Variants in CCDC62 observed in about 807,000 individuals in gnomAD.
CCDC62 encodes the protein coiled-coil domain containing 62.
In CCDC62, 72 loss-of-function variants were observed where a neutral mutation model predicts 80.8. The observed-to-expected ratio is 0.89, with a 90% CI of 0.74 to 1.08. The LOEUF (loss-of-function observed/expected upper bound fraction) is 1.08, where lower values mean the gene tolerates loss of function less well. CCDC62 is among the 50% of genes least tolerant of loss of function. The probability of loss-of-function intolerance (pLI) is 0.00; values close to 1 mark genes in which losing one functional copy is unlikely to be tolerated. For synonymous variants in CCDC62, 286 were observed against 296.5 expected, an observed-to-expected ratio of 0.96 and a Z score of 0.36; for missense variants, 704 against 809.4, an observed-to-expected ratio of 0.87 and a Z score of 1.58.
chr12:122,803,943 C>T (rs928935432), intron 9 of CCDC62, among the ~76,000 whole-genome samples: 14 of 152,118 alleles, frequency 9.2e-5, no homozygotes, highest in East Asian at 3.8e-4. Context: ...TTGACCTCAC[C>T]GACTTAAAAT....
intron 11 of CCDC62, among the ~76,000 whole-genome samples, chr12:122,815,021 C>T (rs934331774): frequency 5.4e-5 from 8 of 148,362 alleles, no homozygotes; most frequent in Admixed American, 3.4e-4. Context: ...CTTGAACTCC[C>T]GGCCTCAAGT....
At chr12:122,783,517 C>T (rs890021901) in intron 3 of CCDC62, among the ~76,000 whole-genome samples, 12 of 152,020 alleles carry the variant, frequency 7.9e-5, no homozygotes, top group South Asian at 2.1e-4. Context: ...TGAGCCACCG[C>T]GCCTGGCCCC....
At chr12:122,794,942 A>G (rs1213284415) in intron 6 of CCDC62, among the ~76,000 whole-genome samples, 1 of 152,182 alleles carries the variant, frequency 6.6e-6, no homozygotes, top group East Asian at 1.9e-4. Context: ...AAGTACTAAG[A>G]TTATAGGCAT....
chr12:122,813,146 G>A, intron 10 of CCDC62, 124 bp from the exon 11 acceptor site: 7 of 956,524 alleles, frequency 7.3e-6, no homozygotes, highest in Non-Finnish European at 1.1e-5. Flanking sequence ...AGCTGTGATT[G>A]TGCCACTGCA....
intron 10 of CCDC62, among the ~76,000 whole-genome samples, chr12:122,812,756 GGAGAGAGAGAGAGA>G (rs551370561): frequency 1.1e-5 from 1 of 88,792 alleles, no homozygotes; most frequent in African/African-American, 4.6e-5. Flanking sequence ...AGAGAGGGAG[GGAGAGAGAGAGAGA>G]GAGAGAGAGA....
At chr12:122,796,636 T>C (rs984673848) in intron 6 of CCDC62, among the ~76,000 whole-genome samples, 19 of 151,956 alleles carry the variant, frequency 1.3e-4, no homozygotes, top group African/African-American at 4.4e-4. Flanking sequence ...GGCGGGTAGA[T>C]CACATGAGGC....
intron 6 of CCDC62, among the ~76,000 whole-genome samples, chr12:122,795,939 C>T (rs903567125): frequency 3.3e-5 from 5 of 152,120 alleles, no homozygotes; most frequent in African/African-American, 1.2e-4. Flanking sequence ...TTAGCTTAGG[C>T]TGCTTGTTCA....
intron 12 of CCDC62, 82 bp downstream of exon 12, chr12:122,823,541 A>G: frequency 1.4e-6 from 1 of 724,080 alleles, no homozygotes; most frequent in Non-Finnish European, 2.4e-6. Flanking sequence ...CGTTGAGTCA[A>G]GGCCATGCAT....
At position 122,792,126 on chromosome 12, in the gene CCDC62, A is replaced by G; in HGVS notation, c.772+5A>G. 6.4e-7 allele frequency: 1 copy of G among 1,555,542 alleles called. No homozygotes were observed. The highest frequency in any genetic ancestry group is 8.9e-7 in the Non-Finnish European group (1 of 1,126,688). ...ACGATGAATTGCTTTTTACTGGTAA[A>G]ACAGATGATCGAATGTATTTGTAAC... On this transcript the variant is annotated splice_donor_5th_base_variant and intron_variant, in intron 6 of 12. Transcript: ENST00000253079.
chr12:122,811,617 C>T (rs112288169), intron 10 of CCDC62, among the ~76,000 whole-genome samples: 3,458 of 150,268 alleles, frequency 0.023, 126 homozygotes, highest in African/African-American at 0.078. Flanking sequence ...GTCAGGAGAT[C>T]GAGACCATCC....
At chr12:122,826,358 G>T in intron 12 of CCDC62, 64 bp from the exon 13 acceptor site, 2 of 761,594 alleles carry the variant, frequency 2.6e-6, no homozygotes, top group Non-Finnish European at 2.4e-6. Flanking sequence ...GGAGCTTATA[G>T]CATGCTCTCC....
chr12:122,804,379 C>T (rs538238412), intron 9 of CCDC62, among the ~76,000 whole-genome samples: 5 of 152,216 alleles, frequency 3.3e-5, no homozygotes, highest in South Asian at 2.1e-4. Flanking sequence ...CCCAGCTACT[C>T]GGGAGGCTGA....
At chr12:122,776,553 C>T (rs536589912) in intron 1 of CCDC62, 7 of 152,206 alleles carry the variant, frequency 4.6e-5, no homozygotes, top group African/African-American at 1.4e-4. Flanking sequence ...GGGAGTTTAT[C>T]GTACTATTGT....
intron 11 of CCDC62, among the ~76,000 whole-genome samples, chr12:122,820,812 G>T (rs547455618): frequency 6.9e-6 from 1 of 145,600 alleles, no homozygotes; most frequent in South Asian, 2.2e-4. Context: ...CTGCACTCCA[G>T]CCTGGGCAAC....
intron 11 of CCDC62, among the ~76,000 whole-genome samples, chr12:122,821,937 C>T (rs1353776635): frequency 1.3e-5 from 2 of 151,460 alleles, no homozygotes; most frequent in East Asian, 3.9e-4. Flanking sequence ...ATATATCATA[C>T]ATTATTATTG....
In CCDC62 at chr12:122,798,195, C is replaced by T. The variant is rs761668837; in HGVS notation, c.972C>T (p.Asp324=). 11 of 1,449,052 alleles carry T rather than the reference C, an allele frequency of 7.6e-6. No individual in the cohort carries two copies. Among genetic ancestry groups the T allele is most frequent in the East Asian group, 2.3e-5 (1 of 44,066 alleles). The allele number at this position is 1,449,052 out of a possible 1,614,324, so 89.8% of individuals were successfully genotyped here. The change falls in exon 8 of 13, where the codon GAC becomes GAT. Residue 324 remains aspartate, a synonymous_variant. Transcript: ENST00000253079. ...DSKMEESKAL[D]SSRDMCLSDL... is the part of the protein sequence containing the mutation. The stretch of plus-strand genomic sequence containing the variant: ...AGATGGAGGAATCAAAGGCTCTGGA[C>T]TCCAGGTAATCTTAGCAAGATGCAA...
At chr12:122,786,952 C>T (rs941032483) in intron 4 of CCDC62, among the ~76,000 whole-genome samples, 8 of 151,520 alleles carry the variant, frequency 5.3e-5, no homozygotes, top group Non-Finnish European at 1.0e-4. Context: ...AGCGAGACTC[C>T]GTCTCAAAAA....
At chr12:122,818,268 C>T (rs1310174944) in intron 11 of CCDC62, among the ~76,000 whole-genome samples, 11 of 151,846 alleles carry the variant, frequency 7.2e-5, no homozygotes, top group African/African-American at 2.7e-4. Context: ...CTGTCTAACA[C>T]GGTGAAACCC....
chr12:122,798,400 C>T (rs574435187), intron 8 of CCDC62, among the ~76,000 whole-genome samples, 200 bp downstream of exon 8: 140 of 152,012 alleles, frequency 9.2e-4, no homozygotes, highest in Admixed American at 7.2e-4. Flanking sequence ...GTCAGGAGTT[C>T]GAGACCAGCC....
Sources: allele counts gnomAD v4.1 joint callset (sites outside exome capture counted in the v4.1 genomes callset), GRCh38; gene constraint gnomAD v4.1.1; transcripts MANE v1.5; gene names NCBI Gene and HGNC (gene_info 2026-07-23, HGNC 2026-07-21).